Variants in CALD1 observed in about 807,000 individuals in gnomAD.
CALD1 encodes the protein caldesmon.
In CALD1, 33 loss-of-function variants were observed where a neutral mutation model predicts 99.9. The observed-to-expected ratio is 0.33, with a 90% CI of 0.25 to 0.44. CALD1 has a LOEUF of 0.44. Among genes scored for constraint, CALD1 ranks in the 20% least tolerant of loss-of-function variants. The pLI is 1.00. For missense variants in CALD1, 861 were observed against 962.1 expected (o/e 0.89, Z 1.39); for synonymous variants, 310 against 325.0 (o/e 0.95, Z 0.50).
intron 1 of CALD1, among the ~76,000 whole-genome samples, chr7:134,795,768 T>C: frequency 6.6e-6 from 1 of 152,296 alleles, no homozygotes; most frequent in African/African-American, 2.4e-5. Flanking sequence ...CTTGCTTATA[T>C]ATATCTTTTT....
intron 13 of CALD1, among the ~76,000 whole-genome samples, chr7:134,963,968 G>T (rs1808472779): frequency 6.6e-6 from 1 of 152,174 alleles, no homozygotes; most frequent in Admixed American, 6.5e-5. Flanking sequence ...AGAGGCTGAG[G>T]CGGGCAGATT....
intron 1 of CALD1, among the ~76,000 whole-genome samples, chr7:134,803,089 T>C (rs994053443): frequency 1.3e-5 from 2 of 152,194 alleles, no homozygotes; most frequent in Admixed American, 1.3e-4. Flanking sequence ...ATTCTAGTAG[T>C]TGTTTAGTGG....
chr7:134,761,309 C>T (rs954147284), intron 1 of CALD1, among the ~76,000 whole-genome samples: 7 of 152,236 alleles, frequency 4.6e-5, no homozygotes, highest in Admixed American at 2.0e-4. Context: ...TTCCTCTCTG[C>T]GCGCAGTGGA....
intron 1 of CALD1, among the ~76,000 whole-genome samples, chr7:134,750,757 T>TG (rs55935609): frequency 0.17 from 4,409 of 26,590 alleles, 207 homozygotes; most frequent in East Asian, 0.54. Flanking sequence ...TTCTATATTG[T>TG]TTTTTTTTCA....
chr7:134,849,455 A>C (rs2132208096), intron 2 of CALD1, among the ~76,000 whole-genome samples: 1 of 152,342 alleles, frequency 6.6e-6, no homozygotes, highest in Non-Finnish European at 1.5e-5. Context: ...ACAATGGCAC[A>C]GTATTTGCAC....
At chr7:134,771,629 T>A (rs905602070) in intron 1 of CALD1, among the ~76,000 whole-genome samples, 12 of 152,142 alleles carry the variant, frequency 7.9e-5, no homozygotes, top group African/African-American at 2.9e-4. Flanking sequence ...AGTGCTTTTT[T>A]TTTTCCTGCC....
chr7:134,769,379 A>T (rs973213335), intron 1 of CALD1, among the ~76,000 whole-genome samples: 2 of 152,222 alleles, frequency 1.3e-5, no homozygotes, highest in African/African-American at 4.8e-5. Flanking sequence ...TCCAAAATGT[A>T]TAAGAATTTG....
intron 3 of CALD1, among the ~76,000 whole-genome samples, chr7:134,898,236 G>A (rs546138550): frequency 3.9e-5 from 6 of 152,340 alleles, no homozygotes; most frequent in Non-Finnish European, 7.3e-5. Flanking sequence ...GCTGATGCCT[G>A]TTCTGTGTAA....
intron 1 of CALD1, among the ~76,000 whole-genome samples, chr7:134,803,549 G>T (rs979184508): frequency 6.6e-6 from 1 of 152,088 alleles, no homozygotes; most frequent in Non-Finnish European, 1.5e-5. Flanking sequence ...ATGAGTATTT[G>T]TGTATGGTGT....
At chr7:134,734,101 A>G in the CALD1 span, among the ~76,000 whole-genome samples, 287 of 152,276 alleles carry the variant, frequency 1.9e-3, 2 homozygotes, top group Non-Finnish European at 2.1e-3. Context: ...CACACAGGAA[A>G]ACAAATTATT....
chr7:134,928,132 T>G (rs576331436), intron 3 of CALD1: 34 of 295,474 alleles, frequency 1.2e-4, no homozygotes, highest in African/African-American at 7.6e-4. Context: ...TTTGGGTCCC[T>G]TCTTCTAAAT....
chr7:134,826,228 A>G (rs1393284551), intron 1 of CALD1, among the ~76,000 whole-genome samples: 1 of 152,166 alleles, frequency 6.6e-6, no homozygotes, highest in Admixed American at 6.6e-5. Context: ...CCCGGTCAAC[A>G]TTCCTGCTTT....
chr7:134,916,921 A>G (rs1275764144), intron 3 of CALD1, among the ~76,000 whole-genome samples: 1 of 152,228 alleles, frequency 6.6e-6, no homozygotes, highest in Non-Finnish European at 1.5e-5. Flanking sequence ...TTTGAAGACG[A>G]CAGTGGAAAT....
chr7:134,766,618 C>A (rs2131613827), intron 1 of CALD1, among the ~76,000 whole-genome samples: 1 of 152,300 alleles, frequency 6.6e-6, no homozygotes, highest in African/African-American at 2.4e-5. Context: ...CATTTTATTT[C>A]ATTTAATTCT....
chr7:134,901,765 T>G (rs1199457467), intron 3 of CALD1, among the ~76,000 whole-genome samples: 1 of 151,970 alleles, frequency 6.6e-6, no homozygotes, highest in Non-Finnish European at 1.5e-5. Context: ...CCATCGTAAC[T>G]CCAGTGCTTC....
At chr7:134,796,904 CA>C (rs1435124146) in intron 1 of CALD1, among the ~76,000 whole-genome samples, 1 of 152,110 alleles carries the variant, frequency 6.6e-6, no homozygotes, top group Non-Finnish European at 1.5e-5. Context: ...TCTTTAAAAG[CA>C]ATATTGAGAA....
intron 1 of CALD1, among the ~76,000 whole-genome samples, chr7:134,812,607 A>G (rs1225746248): frequency 6.6e-6 from 1 of 151,928 alleles, no homozygotes; most frequent in East Asian, 1.9e-4. Flanking sequence ...AAATGAGCTC[A>G]AGGTTTTTGG....
At chr7:134,848,667 T>C (rs1175367188) in intron 2 of CALD1, among the ~76,000 whole-genome samples, 3 of 152,164 alleles carry the variant, frequency 2.0e-5, no homozygotes, top group African/African-American at 7.2e-5. Flanking sequence ...GAGTATTTTC[T>C]CCAAGTTCCT....
chr7:134,923,353 T>A (rs1015612004), intron 3 of CALD1, among the ~76,000 whole-genome samples: 16 of 152,328 alleles, frequency 1.1e-4, no homozygotes, highest in Admixed American at 7.8e-4. Context: ...CCAGTTTTTT[T>A]AAAAAATAGA....
Sources: gnomAD v4.1 joint callset for allele counts (sites outside exome capture counted in the v4.1 genomes callset) on GRCh38, gnomAD v4.1.1 for gene constraint, MANE v1.5 for transcripts, NCBI Gene and HGNC (gene_info 2026-07-23, HGNC 2026-07-21) for gene names.